The following MARCHF1 variants were observed in gnomAD, a reference collection of about 807,000 sequenced individuals.
MARCHF1 encodes E3 ubiquitin-protein ligase MARCHF1.
MARCHF1 carries 40 observed loss-of-function variants against 54.2 expected under a neutral mutation model. That is an observed-to-expected ratio of 0.74 (90% confidence interval 0.57 to 0.96). MARCHF1 has a LOEUF of 0.96. Ranked by LOEUF, MARCHF1 falls within the 40% of genes least tolerant of loss-of-function variation. MARCHF1 has a pLI of 0.00. For missense variants in MARCHF1, 586 were observed against 656.5 expected (o/e 0.89, Z 1.17); for synonymous variants, 236 against 236.3 (o/e 1.00, Z 0.01).
At chr4:164,273,882 A>T (rs574252343) in intron 1 of MARCHF1, among the ~76,000 whole-genome samples, 1 of 152,216 alleles carries the variant, frequency 6.6e-6, no homozygotes. Flanking sequence ...AAGAAAAAAA[A>T]GAATACAGGC....
intron 1 of MARCHF1, among the ~76,000 whole-genome samples, chr4:164,230,105 T>A (rs113992335): frequency 1.3e-5 from 2 of 152,036 alleles, no homozygotes; most frequent in East Asian, 1.9e-4. Context: ...TTTAAAAACA[T>A]TGATATAAGG....
At chr4:164,144,052 C>G (rs1207514209) in intron 1 of MARCHF1, among the ~76,000 whole-genome samples, 2 of 152,074 alleles carry the variant, frequency 1.3e-5, no homozygotes, top group African/African-American at 4.8e-5. Flanking sequence ...TTTAAACCAA[C>G]AAAGATCAAA....
chr4:163,817,463 AACAC>A (rs111793655), intron 4 of MARCHF1, among the ~76,000 whole-genome samples: 3 of 148,748 alleles, frequency 2.0e-5, no homozygotes, highest in African/African-American at 7.4e-5. Context: ...TTAGGAGAGC[AACAC>A]ACACACACAC....
intron 1 of MARCHF1, among the ~76,000 whole-genome samples, chr4:164,143,627 G>C (rs1054452792): frequency 2.0e-5 from 3 of 152,116 alleles, no homozygotes; most frequent in African/African-American, 7.2e-5. Context: ...AATGCTGAGA[G>C]ATTCTGTCAC....
intron 2 of MARCHF1, among the ~76,000 whole-genome samples, chr4:164,044,480 T>G (rs1754198626): frequency 2.0e-5 from 3 of 152,164 alleles, no homozygotes; most frequent in Admixed American, 6.6e-5. Flanking sequence ...GGGGGAAGTC[T>G]GCCCCATAAT....
At chr4:163,929,981 A>AAT (rs574828555) in intron 3 of MARCHF1, among the ~76,000 whole-genome samples, 60 of 130,868 alleles carry the variant, frequency 4.6e-4, no homozygotes, top group Middle Eastern at 3.7e-3. Flanking sequence ...TAATATATAT[A>AAT]ATATATATAT....
intron 4 of MARCHF1, among the ~76,000 whole-genome samples, chr4:163,822,830 AG>A (rs1560772716): frequency 6.6e-6 from 1 of 151,812 alleles, no homozygotes; most frequent in African/African-American, 2.4e-5. Flanking sequence ...CTTGTTTCTA[AG>A]TGTATATTTG....
At chr4:164,104,170 G>A (rs1207219520) in intron 2 of MARCHF1, among the ~76,000 whole-genome samples, 4 of 145,476 alleles carry the variant, frequency 2.7e-5, no homozygotes, top group African/African-American at 7.7e-5. Context: ...ATTCACAGCC[G>A]AATTCTACCA....
chr4:163,669,849 C>T (rs1182454613), intron 5 of MARCHF1, among the ~76,000 whole-genome samples: 4 of 152,228 alleles, frequency 2.6e-5, no homozygotes, highest in South Asian at 4.2e-4. Context: ...CTGCCCACCT[C>T]GGCCTCCCAA....
In MARCHF1 at chr4:163,701,360, T is replaced by A. The variant is rs956738519; in HGVS notation, c.112-497A>T. Reference sequence around the variant, plus strand: ...TTTACATACTCTGAAATTAAAACATTTACTTTTTAAAATTTAAGATGCTTC... The same window carrying A: ...TTTACATACTCTGAAATTAAAACATATACTTTTTAAAATTTAAGATGCTTC... On this transcript the variant is annotated intron_variant, in intron 4 of 9. Coordinates refer to ENST00000514618, the MANE Select transcript of MARCHF1 (RefSeq NM_001394959.1). 2.0e-5 allele frequency among the ~76,000 whole-genome samples: 3 copies of A among 152,296 alleles called. No individual in the cohort carries two copies. In the South Asian group the frequency reaches 6.2e-4, roughly 32 times the overall value.
At chr4:164,156,871 C>T (rs1409152680) in intron 1 of MARCHF1, among the ~76,000 whole-genome samples, 1 of 151,874 alleles carries the variant, frequency 6.6e-6, no homozygotes, top group African/African-American at 2.4e-5. Flanking sequence ...CAGCTGGAGA[C>T]ATGCTTCTCA....
At chr4:163,556,052 C>T (rs1340270939) in intron 8 of MARCHF1, 1 of 449,988 alleles carries the variant, frequency 2.2e-6, no homozygotes, top group Non-Finnish European at 4.5e-6. Flanking sequence ...AACTGAGGCC[C>T]AGAGCACTGA....
chr4:164,165,925 G>A (rs1486059170), intron 1 of MARCHF1, among the ~76,000 whole-genome samples: 2 of 151,984 alleles, frequency 1.3e-5, no homozygotes, highest in Admixed American at 6.6e-5. Context: ...TGAAAGAGGA[G>A]TGAAATGCCA....
chr4:164,330,308 TC>T (rs1735401486), intron 1 of MARCHF1, among the ~76,000 whole-genome samples: 1 of 152,116 alleles, frequency 6.6e-6, no homozygotes, highest in Non-Finnish European at 1.5e-5. Context: ...TAGGTTGCTG[TC>T]TCACTACTCC....
rs567752448 is a variant in MARCHF1, at chr4:163,894,316, T to A, written c.-38-40147A>T. Among the ~76,000 whole-genome samples, 20 of 152,076 alleles carry A rather than the reference T, an allele frequency of 1.3e-4. 1 individual carries two copies. Among genetic ancestry groups the A allele is most frequent in the African/African-American group, 4.8e-4 (20 of 41,444 alleles). On this transcript the variant is annotated intron_variant, in intron 3 of 9. Coordinates refer to ENST00000514618, the MANE Select transcript of MARCHF1 (RefSeq NM_001394959.1). ...GCAGTGGTCTATTTACTTGTGTAAA[T>A]CAGCACATGGGGGTATAAGAAAATA...
At chr4:164,215,229 G>A (rs1019872004) in intron 1 of MARCHF1, among the ~76,000 whole-genome samples, 1 of 152,174 alleles carries the variant, frequency 6.6e-6, no homozygotes, top group Non-Finnish European at 1.5e-5. Flanking sequence ...GGAGCCAGAA[G>A]AGAGATGGTT....
At chr4:164,113,843 G>T (rs17675807) in intron 1 of MARCHF1, among the ~76,000 whole-genome samples, 8,830 of 151,882 alleles carry the variant, frequency 0.058, 393 homozygotes, top group East Asian at 0.19. Context: ...GGACTGCTTT[G>T]GTTATTCAAA....
chr4:164,266,901 T>A (rs1188818588), intron 1 of MARCHF1, among the ~76,000 whole-genome samples: 12 of 152,210 alleles, frequency 7.9e-5, no homozygotes, highest in Admixed American at 3.9e-4. Context: ...AAAATACTAA[T>A]TCAACTCATC....
At chr4:163,888,133 C>T (rs1349515942) in intron 3 of MARCHF1, among the ~76,000 whole-genome samples, 2 of 152,080 alleles carry the variant, frequency 1.3e-5, no homozygotes, top group Admixed American at 6.6e-5. Context: ...ACGTGTATAC[C>T]TATGTAACAA....
Sources: gnomAD v4.1 joint callset for allele counts (sites outside exome capture counted in the v4.1 genomes callset) on GRCh38, gnomAD v4.1.1 for gene constraint, MANE v1.5 for transcripts, NCBI Gene and HGNC (gene_info 2026-07-23, HGNC 2026-07-21) for gene names.